Variants in TG observed in about 807,000 individuals in gnomAD.
TG encodes the protein thyroid hormones.
In TG, 270 loss-of-function variants were observed where a neutral mutation model predicts 324.7. That is an observed-to-expected ratio of 0.83 (90% confidence interval 0.75 to 0.92). TG has a LOEUF of 0.92. Among genes scored for constraint, TG ranks in the 40% least tolerant of loss-of-function variants. The pLI is 0.00. For missense variants in TG, 3,591 were observed against 3,456.4 expected (o/e 1.04, Z -0.98); for synonymous variants, 1,401 against 1,327.0 (o/e 1.06, Z -1.21).
chr8:132,898,535 T>C (rs898044219), intron 13 of TG, among the ~76,000 whole-genome samples: 18 of 152,214 alleles, frequency 1.2e-4, no homozygotes, highest in African/African-American at 4.3e-4. Context: ...CAGCCACTCC[T>C]GTAGTTTCAG....
chr8:132,883,126 T>G (rs768620805), intron 8 of TG, 127 bp downstream of exon 8: 1 of 982,658 alleles, frequency 1.0e-6, no homozygotes, highest in African/African-American at 1.6e-5. Flanking sequence ...CCCTTCAAGC[T>G]CAACCTGTCT....
chr8:133,003,898 T>C (rs996341918), intron 35 of TG, among the ~76,000 whole-genome samples: 5 of 152,252 alleles, frequency 3.3e-5, no homozygotes, highest in African/African-American at 1.2e-4. Context: ...AGCTGTTTGG[T>C]CTTGGGCAAG....
chr8:133,049,022 A>G (rs1190792594), intron 41 of TG: 2 of 368,958 alleles, frequency 5.4e-6, no homozygotes, highest in Non-Finnish European at 1.1e-5. Flanking sequence ...TTTCTTTGCC[A>G]ACTTCCAGCT....
chr8:133,107,742 C>T (rs1414937591), intron 43 of TG, among the ~76,000 whole-genome samples: 1 of 152,170 alleles, frequency 6.6e-6, no homozygotes, highest in African/African-American at 2.4e-5. Flanking sequence ...TGTGTCAGAT[C>T]CCCATAAAAT....
At chr8:133,059,842 A>G (rs1318584280) in intron 41 of TG, among the ~76,000 whole-genome samples, 2 of 152,174 alleles carry the variant, frequency 1.3e-5, no homozygotes, top group Non-Finnish European at 2.9e-5. Flanking sequence ...AAATAAAGTG[A>G]TTAAACCAGC....
chr8:133,069,097 G>T (rs779435503), intron 41 of TG, among the ~76,000 whole-genome samples: 1 of 152,248 alleles, frequency 6.6e-6, no homozygotes, highest in Non-Finnish European at 1.5e-5. Flanking sequence ...TTCAAATGTG[G>T]ATACTTGAGA....
chr8:133,100,203 T>C (rs1022419415), intron 43 of TG, among the ~76,000 whole-genome samples: 1 of 152,210 alleles, frequency 6.6e-6, no homozygotes, highest in Non-Finnish European at 1.5e-5. Flanking sequence ...TTCTGGAATG[T>C]TCTTCCCAGA....
rs1563908759 is a variant in TG at position 132,886,593 on chromosome 8, C to T, written c.1221C>T (p.Ser407=). The change falls in exon 9 of 48, where the codon TCC becomes TCT. Residue 407 remains serine (S), a synonymous_variant. Coordinates refer to ENST00000220616, the MANE Select transcript of TG (RefSeq NM_003235.5). ...CAAGAGTAGCCAGATTTGCCACATC[C>T]TGCCCACCCACGATCAAGGAGCTCT... ...ASPRVARFAT[S]CPPTIKELFV... 1.2e-6 allele frequency: 2 copies of T among 1,614,196 alleles called. No individual in the cohort carries two copies. The highest frequency in any genetic ancestry group is 1.1e-5 in the South Asian group (1 of 91,078).
At position 133,133,656 on chromosome 8, in the gene TG, T is replaced by G. The variant is rs897123131; in HGVS notation, c.8184T>G (p.Ser2728=). The G allele has an allele frequency of 1.2e-6, 2 of 1,613,568 alleles. No homozygotes were observed. Among genetic ancestry groups the G allele is most frequent in the Non-Finnish European group, 1.7e-6 (2 of 1,179,800 alleles). Residue 2728 remains serine, a synonymous_variant, in exon 47 of 48, where the codon TCT becomes TCG. Coordinates refer to ENST00000220616, the MANE Select transcript of TG (RefSeq NM_003235.5). ...WSKYISSLKT[S]ADGAKGGQSA... is the part of the protein sequence containing the mutation. ...AGTACATCTCGTCTCTGAAGACATC[T>G]GCAGGTAGCAAAGCCCTGGGACAAG...
At chr8:133,060,258 G>A in intron 41 of TG, 1 of 1,609,754 alleles carries the variant, frequency 6.2e-7, no homozygotes, top group Non-Finnish European at 8.5e-7. Flanking sequence ...TCCAAGTGGA[G>A]AATGACCCAG....
intron 24 of TG, among the ~76,000 whole-genome samples, chr8:132,933,925 A>G (rs912725727): frequency 5.3e-5 from 8 of 152,190 alleles, no homozygotes; most frequent in African/African-American, 1.9e-4. Context: ...CGAGTCAGTC[A>G]GGAGAGAACC....
At chr8:132,949,092 A>G in intron 27 of TG, 149 bp downstream of exon 27, 1 of 746,516 alleles carries the variant, frequency 1.3e-6, no homozygotes, top group South Asian at 1.7e-5. Context: ...TACTGGATGG[A>G]AACAACCCTA....
At position 132,976,833 on chromosome 8, in the gene TG, G is replaced by A. The variant is rs1241508438; in HGVS notation, c.6199+4092G>A. On this transcript the variant is annotated intron_variant, in intron 34 of 47. Coordinates refer to ENST00000220616, the MANE Select transcript of TG (RefSeq NM_003235.5). Reference sequence around the variant, plus strand: ...TGACTCTCCAGCAGAGCAGGACAGGGTTCTTTCTCCCTTAAGTTGTCTTCA... The same window carrying A: ...TGACTCTCCAGCAGAGCAGGACAGGATTCTTTCTCCCTTAAGTTGTCTTCA... Among the ~76,000 whole-genome samples, 3 of 150,066 alleles carry A rather than the reference G, an allele frequency of 2.0e-5. No homozygotes were observed. The Admixed American group carries it at 2.0e-4, about 10-fold the overall frequency.
intron 35 of TG, among the ~76,000 whole-genome samples, chr8:132,997,321 A>G (rs973048648): frequency 2.0e-5 from 3 of 152,204 alleles, no homozygotes; most frequent in Non-Finnish European, 2.9e-5. Flanking sequence ...CCTGAGCTTA[A>G]AGGACATCTG....
intron 35 of TG, among the ~76,000 whole-genome samples, chr8:132,992,155 C>T (rs1271497862): frequency 1.3e-5 from 2 of 152,120 alleles, no homozygotes; most frequent in Non-Finnish European, 2.9e-5. Context: ...TACTTTGTAC[C>T]AGGCACTAAG....
chr8:132,991,170 G>A (rs1476235413), intron 35 of TG, among the ~76,000 whole-genome samples: 3 of 152,100 alleles, frequency 2.0e-5, no homozygotes, highest in African/African-American at 7.2e-5. Context: ...GAAGGGGGCA[G>A]ACAGTGGTCT....
At chr8:132,991,393 A>T (rs1183698512) in intron 35 of TG, among the ~76,000 whole-genome samples, 1 of 152,224 alleles carries the variant, frequency 6.6e-6, no homozygotes, top group African/African-American at 2.4e-5. Flanking sequence ...TGTTAAAGGC[A>T]CACAGGACTG....
At chr8:133,062,002 A>G (rs1324132769) in intron 41 of TG, among the ~76,000 whole-genome samples, 2 of 152,230 alleles carry the variant, frequency 1.3e-5, no homozygotes, top group Non-Finnish European at 2.9e-5. Context: ...GCTCAAGCTA[A>G]TGCATAGTAA....
chr8:133,047,241 G>A (rs1486287593), intron 41 of TG: 1 of 152,378 alleles, frequency 6.6e-6, no homozygotes, highest in Non-Finnish European at 1.5e-5. Context: ...TGCATATGAT[G>A]CAAGGAAATT....
Sources: gnomAD v4.1 joint callset for allele counts (sites outside exome capture counted in the v4.1 genomes callset) on GRCh38, gnomAD v4.1.1 for gene constraint, MANE v1.5 for transcripts, NCBI Gene and HGNC (gene_info 2026-07-23, HGNC 2026-07-21) for gene names.